The following SYBU variants were observed in gnomAD, a reference collection of about 807,000 sequenced individuals.
SYBU encodes the protein GOLSYN A protein.
SYBU carries 21 observed loss-of-function variants against 35.9 expected under a neutral mutation model. The ratio of observed to expected loss-of-function variants is 0.58; its 90% CI spans 0.41 to 0.84. The LOEUF (loss-of-function observed/expected upper bound fraction) is 0.84, where lower values mean the gene tolerates loss of function less well. SYBU is among the 40% of genes least tolerant of loss of function. SYBU has a pLI of 0.00. For synonymous variants in SYBU, 319 were observed against 324.3 expected, an observed-to-expected ratio of 0.98 and a Z score of 0.18; for missense variants, 768 against 848.2, an observed-to-expected ratio of 0.91 and a Z score of 1.17.
At chr8:109,635,719 A>G (rs1296483511) in intron 2 of SYBU, among the ~76,000 whole-genome samples, 1 of 152,162 alleles carries the variant, frequency 6.6e-6, no homozygotes, top group African/African-American at 2.4e-5. Context: ...CATGTCATTT[A>G]TCAGTTCTTC....
intron 1 of SYBU, among the ~76,000 whole-genome samples, chr8:109,652,318 C>T (rs1473862220): frequency 1.3e-5 from 2 of 151,314 alleles, no homozygotes; most frequent in Admixed American, 1.3e-4. Context: ...CTTTATTGTT[C>T]CTCTCCTCTC....
upstream of SYBU, among the ~76,000 whole-genome samples, chr8:109,683,902 T>C (rs1351168737): frequency 1.3e-5 from 2 of 152,320 alleles, no homozygotes; most frequent in East Asian, 1.9e-4. Context: ...GCACTTCTCC[T>C]TACTGCCACC....
intron 1 of SYBU, 152 bp downstream of exon 1, chr8:109,644,484 T>A: frequency 1.1e-6 from 1 of 870,896 alleles, no homozygotes; most frequent in Non-Finnish European, 1.8e-6. Flanking sequence ...TCCTAAGCAA[T>A]GCCTCCTGCC....
chr8:109,619,642 T>A (rs949233477), intron 2 of SYBU, among the ~76,000 whole-genome samples: 2 of 152,214 alleles, frequency 1.3e-5, no homozygotes, highest in African/African-American at 4.8e-5. Context: ...GTCCATAGAT[T>A]TTTGGATGTG....
intron 1 of SYBU, chr8:109,643,713 T>G (rs1368958846): frequency 6.1e-6 from 1 of 164,388 alleles, no homozygotes; most frequent in Admixed American, 5.9e-5. Flanking sequence ...TTCCAACTTA[T>G]AAAGTGCTTT....
chr8:109,603,608 T>C (rs745905944), intron 3 of SYBU, among the ~76,000 whole-genome samples: 1 of 151,606 alleles, frequency 6.6e-6, no homozygotes, highest in Non-Finnish European at 1.5e-5. Context: ...AAAACCAAAA[T>C]AAAATGGAAA....
chr8:109,617,885 A>G (rs1358068654), intron 3 of SYBU, among the ~76,000 whole-genome samples: 1 of 152,244 alleles, frequency 6.6e-6, no homozygotes, highest in East Asian at 1.9e-4. Context: ...TATTGTGTAC[A>G]TCAGTGACTC....
At chr8:109,608,982 G>T (rs966282649) in intron 3 of SYBU, among the ~76,000 whole-genome samples, 3 of 152,140 alleles carry the variant, frequency 2.0e-5, no homozygotes, top group African/African-American at 2.4e-5. Flanking sequence ...ATGCAAAGAA[G>T]CTACATATTA....
At chr8:109,680,263 C>G (rs1037286503) in intron 1 of SYBU, 2 of 152,198 alleles carry the variant, frequency 1.3e-5, no homozygotes, top group African/African-American at 4.8e-5. Flanking sequence ...CTAATTTAAA[C>G]TCCTTCGCTC....
chr8:109,595,203 T>C (rs1434123039), intron 3 of SYBU, among the ~76,000 whole-genome samples: 1 of 152,192 alleles, frequency 6.6e-6, no homozygotes, highest in African/African-American at 2.4e-5. Context: ...GAGGCGAGGC[T>C]GTTGTGTAGT....
intron 4 of SYBU, among the ~76,000 whole-genome samples, chr8:109,581,636 C>A (rs1823043916): frequency 6.6e-6 from 1 of 152,296 alleles, no homozygotes; most frequent in Middle Eastern, 3.4e-3. Context: ...TATAGTAGTA[C>A]TGCTTTCTGA....
At chr8:109,580,251 T>C in intron 4 of SYBU, 1 of 478,334 alleles carries the variant, frequency 2.1e-6, no homozygotes, top group South Asian at 2.4e-5. Context: ...AAAGCTTTTT[T>C]TGGATAACAC....
At chr8:109,646,957 G>A (rs1815760960), upstream of SYBU, 1 of 152,152 alleles carries the variant, frequency 6.6e-6, no homozygotes, top group Non-Finnish European at 1.5e-5. Context: ...TTGCAATAGT[G>A]GTCTAACTCA....
intron 3 of SYBU, chr8:109,607,808 T>TCATA (rs1826220787): frequency 2.8e-6 from 1 of 356,086 alleles, no homozygotes; most frequent in African/African-American, 2.4e-5. Context: ...CACAACTAAC[T>TCATA]CACACACACA....
At chr8:109,670,860 A>C (rs528080366) in intron 1 of SYBU, among the ~76,000 whole-genome samples, 1 of 152,252 alleles carries the variant, frequency 6.6e-6, no homozygotes, top group South Asian at 2.1e-4. Context: ...AAGAAACAAG[A>C]GGGAAGGAGG....
At chr8:109,625,965 T>G (rs1812936658) in intron 2 of SYBU, among the ~76,000 whole-genome samples, 1 of 152,230 alleles carries the variant, frequency 6.6e-6, no homozygotes, top group South Asian at 2.1e-4. Flanking sequence ...GTACTAAATA[T>G]TATTTGGTTT....
At chr8:109,582,546 C>T (rs1290777766) in intron 4 of SYBU, among the ~76,000 whole-genome samples, 2 of 152,262 alleles carry the variant, frequency 1.3e-5, no homozygotes, top group East Asian at 3.9e-4. Context: ...AACCTGAATA[C>T]GTAACTAGAA....
At chr8:109,592,895 T>A (rs1205319987) in intron 3 of SYBU, among the ~76,000 whole-genome samples, 2 of 152,236 alleles carry the variant, frequency 1.3e-5, no homozygotes, top group South Asian at 2.1e-4. Context: ...AATCCTGTTT[T>A]AAGTGCAAAG....
At position 109,574,988 on chromosome 8, in the gene SYBU, T is replaced by C; in HGVS notation, c.1910A>G (p.Tyr637Cys). The change falls in exon 7 of 7, where the codon TAT (tyrosine) becomes TGT (cysteine). Residue 637 changes from tyrosine to cysteine, a missense_variant. Transcript: ENST00000276646. ...STQRGGTDPV[Y>C]NIGALLRGCC... ...GCCCCTGAGCAAGGCCCCGATGTTA[T>C]ACACAGGATCCGTTCCCCCTCTCTG... 1.9e-6 allele frequency: 3 copies of C among 1,564,270 alleles called. No homozygotes were observed. Among genetic ancestry groups the C allele is most frequent in the Non-Finnish European group, 2.6e-6 (3 of 1,154,330 alleles).
Sources: allele counts gnomAD v4.1 joint callset (sites outside exome capture counted in the v4.1 genomes callset), GRCh38; gene constraint gnomAD v4.1.1; transcripts MANE v1.5; gene names NCBI Gene and HGNC (gene_info 2026-07-23, HGNC 2026-07-21).